Variants in TNIP3 observed in about 807,000 individuals in gnomAD.
The protein encoded by TNIP3 is TNFAIP3 interacting protein 3.
TNIP3 carries 34 observed loss-of-function variants against 54.1 expected under a neutral mutation model. That is an observed-to-expected ratio of 0.63 (90% CI 0.48 to 0.84). The LOEUF is 0.84. TNIP3 is among the 40% of genes least tolerant of loss of function. The probability of loss-of-function intolerance (pLI) is 0.00; values close to 1 mark genes in which losing one functional copy is unlikely to be tolerated. For synonymous variants in TNIP3, 134 were observed against 136.8 expected (o/e 0.98, Z 0.14); for missense variants, 366 against 387.6 (o/e 0.94, Z 0.47).
intron 6 of TNIP3, among the ~76,000 whole-genome samples, chr4:121,149,479 C>T (rs759602781): frequency 2.0e-5 from 3 of 152,172 alleles, no homozygotes; most frequent in Non-Finnish European, 4.4e-5. Context: ...TTAAAATAAA[C>T]CACGTGGCTG....
At chr4:121,135,747 G>C (rs1343396237) in intron 10 of TNIP3, among the ~76,000 whole-genome samples, 1 of 152,108 alleles carries the variant, frequency 6.6e-6, no homozygotes, top group Non-Finnish European at 1.5e-5. Context: ...TATTTTATGA[G>C]AATTCTGAGC....
At chr4:121,157,492 C>G (rs905832287) in intron 3 of TNIP3, among the ~76,000 whole-genome samples, 4 of 152,138 alleles carry the variant, frequency 2.6e-5, no homozygotes, top group Non-Finnish European at 4.4e-5. Context: ...CCAAACCACC[C>G]CTACTTCAGA....
chr4:121,214,082 T>A (rs1018124869), intron 2 of TNIP3, among the ~76,000 whole-genome samples: 1 of 151,794 alleles, frequency 6.6e-6, no homozygotes, highest in African/African-American at 2.4e-5. Context: ...GAGAAAGGAG[T>A]CAGTTCAGGA....
chr4:121,198,364 A>T (rs1417925830), intron 2 of TNIP3, among the ~76,000 whole-genome samples: 1 of 152,188 alleles, frequency 6.6e-6, no homozygotes, highest in Non-Finnish European at 1.5e-5. Flanking sequence ...ATATAGCATA[A>T]ACTTTCTGGT....
Position 121,216,114 on chromosome 4 carries a change from T to C in TNIP3, c.68+301A>G, listed in dbSNP as rs967826485. Among the ~76,000 whole-genome samples the C allele has an allele frequency of 3.9e-5, 6 of 152,092 alleles. No homozygotes were observed. In the East Asian group the frequency reaches 1.2e-3, roughly 29 times the overall value. ...TACAGTTGTTTCCTAGGAGAAAAAT[T>C]TGTGCAATTACAGAAAAACCATCCA... On this transcript the variant is annotated intron_variant, in intron 2 of 12. Coordinates refer to the TNIP3 transcript ENST00000507879.
chr4:121,153,222 T>C (rs1729870393), intron 5 of TNIP3, among the ~76,000 whole-genome samples: 2 of 152,108 alleles, frequency 1.3e-5, no homozygotes, highest in South Asian at 2.1e-4. Context: ...TGATGAAAAA[T>C]TGTATTTTTC....
intron 3 of TNIP3, among the ~76,000 whole-genome samples, chr4:121,179,961 G>C (rs1469518743): frequency 6.6e-6 from 1 of 151,858 alleles, no homozygotes; most frequent in African/African-American, 2.4e-5. Flanking sequence ...CATATATTTT[G>C]TAGTTTAATG....
chr4:121,201,243 T>C (rs746191560), intron 2 of TNIP3, among the ~76,000 whole-genome samples: 2 of 152,140 alleles, frequency 1.3e-5, no homozygotes, highest in Non-Finnish European at 2.9e-5. Context: ...ATGCTTTATT[T>C]AGTGCTTGGA....
At chr4:121,217,239 C>T (rs1726835815), upstream of TNIP3, among the ~76,000 whole-genome samples, 1 of 152,088 alleles carries the variant, frequency 6.6e-6, no homozygotes, top group Non-Finnish European at 1.5e-5. Flanking sequence ...GCAATTAACA[C>T]ATTTTAAATG....
chr4:121,213,676 G>A (rs905356688), intron 2 of TNIP3, among the ~76,000 whole-genome samples: 1 of 149,486 alleles, frequency 6.7e-6, no homozygotes, highest in Non-Finnish European at 1.5e-5. Context: ...GCAGTGAGTC[G>A]AGATCGTGCC....
chr4:121,140,705 A>G (rs1421032807), intron 9 of TNIP3, among the ~76,000 whole-genome samples: 1 of 152,202 alleles, frequency 6.6e-6, no homozygotes, highest in Non-Finnish European at 1.5e-5. Flanking sequence ...TGACTTCTAC[A>G]TTCTTGAAAA....
chr4:121,200,075 C>T (rs1357515485), intron 2 of TNIP3, among the ~76,000 whole-genome samples: 1 of 152,114 alleles, frequency 6.6e-6, no homozygotes, highest in Non-Finnish European at 1.5e-5. Flanking sequence ...ATTGAGATGG[C>T]ATTTGGCATT....
chr4:121,140,551 CT>C (rs1388198647), intron 9 of TNIP3, among the ~76,000 whole-genome samples: 1 of 151,996 alleles, frequency 6.6e-6, no homozygotes, highest in Non-Finnish European at 1.5e-5. Context: ...ATTTGTACTC[CT>C]AGGTAAATGT....
chr4:121,164,100 G>A lies in TNIP3; in HGVS notation c.26C>T (p.Ser9Phe). The A allele has an allele frequency of 6.2e-7, 1 of 1,613,768 alleles. No homozygotes were observed. The highest frequency in any genetic ancestry group is 2.2e-5 in the East Asian group (1 of 44,850). Residue 9 changes from serine to phenylalanine, a missense_variant, in exon 1 of 11, where the codon TCT becomes TTT. Transcript: ENST00000057513. MAHFVQGT[S>F]RMIAAESSTE... ...AGAACTTTCTGCGGCAATCATTCTAGATGTGCCCTGTACAAAATGTGCCAT... is the reference window on the plus strand; with the variant it reads ...AGAACTTTCTGCGGCAATCATTCTAAATGTGCCCTGTACAAAATGTGCCAT...
intron 1 of TNIP3, among the ~76,000 whole-genome samples, chr4:121,226,520 A>G (rs1727264905): frequency 6.6e-6 from 1 of 152,180 alleles, no homozygotes; most frequent in Non-Finnish European, 1.5e-5. Context: ...ACTTGAAAGG[A>G]CACTCTGGGA....
intron 3 of TNIP3, among the ~76,000 whole-genome samples, chr4:121,173,985 T>C (rs1724147158): frequency 6.6e-6 from 1 of 152,204 alleles, no homozygotes; most frequent in African/African-American, 2.4e-5. Context: ...GGACCAAGTA[T>C]TGTGCTAAGT....
chr4:121,150,001 C>A (rs1729648789), intron 6 of TNIP3, 102 bp downstream of exon 6: 3 of 708,714 alleles, frequency 4.2e-6, no homozygotes, highest in Admixed American at 2.4e-5. Flanking sequence ...ATGCAAAAAC[C>A]TTTGACATAT....
At chr4:121,208,020 A>C (rs1726278853) in intron 2 of TNIP3, among the ~76,000 whole-genome samples, 1 of 152,022 alleles carries the variant, frequency 6.6e-6, no homozygotes, top group Non-Finnish European at 1.5e-5. Flanking sequence ...CCGCTTTTGC[A>C]TCTTCCTCAT....
upstream of TNIP3, among the ~76,000 whole-genome samples, chr4:121,167,008 A>C (rs1383223343): frequency 2.6e-5 from 4 of 152,078 alleles, no homozygotes; most frequent in Admixed American, 2.6e-4. Flanking sequence ...ATACAATGGG[A>C]TAGTAATAGT....
Sources: gnomAD v4.1 joint callset for allele counts (sites outside exome capture counted in the v4.1 genomes callset) on GRCh38, gnomAD v4.1.1 for gene constraint, MANE v1.5 for transcripts, NCBI Gene and HGNC (gene_info 2026-07-23, HGNC 2026-07-21) for gene names.